NR6A1: variants seen among roughly 807,000 people sequenced by gnomAD.
NR6A1 encodes the protein nuclear receptor subfamily 6 group A member 1.
NR6A1 carries 7 observed loss-of-function variants against 59.1 expected under a neutral mutation model. The ratio of observed to expected loss-of-function variants is 0.12; its 90% CI spans 0.07 to 0.22. The LOEUF (loss-of-function observed/expected upper bound fraction) is 0.22. Among genes scored for constraint, NR6A1 ranks in the 10% least tolerant of loss-of-function variants. The pLI is 1.00. For missense variants in NR6A1, 468 were observed against 611.6 expected, an observed-to-expected ratio of 0.77 and a Z score of 2.48; for synonymous variants, 243 against 236.1, an observed-to-expected ratio of 1.03 and a Z score of -0.27.
chr9:124,726,829 T>G (rs1316969754), intron 2 of NR6A1, among the ~76,000 whole-genome samples: 1 of 152,248 alleles, frequency 6.6e-6, no homozygotes, highest in Non-Finnish European at 1.5e-5. Context: ...GTTTTGAATG[T>G]AAAATTCGTA....
chr9:124,630,031 CAT>C (rs1475107603), intron 2 of NR6A1, among the ~76,000 whole-genome samples: 2 of 152,108 alleles, frequency 1.3e-5, no homozygotes, highest in East Asian at 3.9e-4. Context: ...TTTTTTCATA[CAT>C]GTTATCAAGA....
chr9:124,554,156 C>G (rs1048419176), intron 3 of NR6A1, among the ~76,000 whole-genome samples, 172 bp downstream of exon 3: 2 of 152,158 alleles, frequency 1.3e-5, no homozygotes, highest in African/African-American at 4.8e-5. Context: ...TTTCTTCCCC[C>G]CACCTAGTTT....
chr9:124,688,844 T>C (rs957741165), intron 2 of NR6A1, among the ~76,000 whole-genome samples: 1 of 152,236 alleles, frequency 6.6e-6, no homozygotes, highest in Non-Finnish European at 1.5e-5. Flanking sequence ...AGAGAATCCA[T>C]AGCGGATTTT....
intron 1 of NR6A1, among the ~76,000 whole-genome samples, chr9:124,762,449 C>T (rs973856874): frequency 5.3e-5 from 8 of 152,134 alleles, no homozygotes; most frequent in Non-Finnish European, 1.2e-4. Context: ...TTTACCCATT[C>T]AGTATATTGT....
intron 7 of NR6A1, among the ~76,000 whole-genome samples, chr9:124,533,778 G>GCA (rs1241260473): frequency 6.6e-6 from 1 of 151,902 alleles, no homozygotes; most frequent in Non-Finnish European, 1.5e-5. Flanking sequence ...AGCCTCCCAA[G>GCA]CAGCTGGGAC....
At chr9:124,698,214 A>G (rs1398578509) in intron 2 of NR6A1, 1 of 152,240 alleles carries the variant, frequency 6.6e-6, no homozygotes, top group Non-Finnish European at 1.5e-5. Flanking sequence ...TTAATTTTAA[A>G]TCATGTCTTT....
At chr9:124,590,061 CAAAAAAAAAAAAAA>C (rs71372976) in intron 2 of NR6A1, among the ~76,000 whole-genome samples, 2,845 of 31,040 alleles carry the variant, frequency 0.092, 121 homozygotes, top group East Asian at 0.35. Flanking sequence ...AAGACTCTGT[CAAAAAAAAAAAAAA>C]AAAAAAAAAA....
In NR6A1 at chr9:124,679,878, C is replaced by T. The variant is rs540398101; in HGVS notation, c.142+53430G>A. On this transcript the variant is annotated intron_variant, in intron 2 of 9. Transcript: ENST00000487099. Reference sequence around the variant, plus strand: ...TACCACTGCACTCCAGCCTGGACAACGGAGAGAGGTTCCATCTCAAAGAGA... The same window carrying T: ...TACCACTGCACTCCAGCCTGGACAATGGAGAGAGGTTCCATCTCAAAGAGA... 3.6e-4 allele frequency among the ~76,000 whole-genome samples: 52 copies of T among 144,008 alleles called. 1 individual carries two copies. The South Asian group carries it at 8.5e-3, about 23-fold the overall frequency. 94.5% of individuals were successfully genotyped at this position (144,008 alleles called of 152,430 possible).
chr9:124,631,681 G>T (rs950324786), intron 2 of NR6A1, among the ~76,000 whole-genome samples: 2 of 146,292 alleles, frequency 1.4e-5, no homozygotes, highest in Admixed American at 1.3e-4. Context: ...TTTAAGTTCA[G>T]GGGTACCTGT....
At chr9:124,702,594 T>C (rs1470969983) in intron 2 of NR6A1, among the ~76,000 whole-genome samples, 1 of 152,054 alleles carries the variant, frequency 6.6e-6, no homozygotes, top group Non-Finnish European at 1.5e-5. Flanking sequence ...CCCTCATGAA[T>C]GGCCTGGTGC....
chr9:124,604,470 G>A (rs1024957749), intron 2 of NR6A1, among the ~76,000 whole-genome samples: 8 of 152,140 alleles, frequency 5.3e-5, no homozygotes, highest in Admixed American at 2.0e-4. Flanking sequence ...CAGCTACCCT[G>A]AAGAGGTATT....
chr9:124,680,604 A>G (rs1323108439), intron 2 of NR6A1, among the ~76,000 whole-genome samples: 1 of 152,162 alleles, frequency 6.6e-6, no homozygotes, highest in Non-Finnish European at 1.5e-5. Flanking sequence ...TACTATGGTA[A>G]AGCTCCAGGG....
intron 2 of NR6A1, among the ~76,000 whole-genome samples, chr9:124,713,276 ATAAGCCC>A (rs1839328850): frequency 6.6e-6 from 1 of 152,118 alleles, no homozygotes; most frequent in Non-Finnish European, 1.5e-5. Context: ...AGACTTAAAC[ATAAGCCC>A]TAAACTATAA....
At chr9:124,675,260 T>C (rs985325229) in intron 2 of NR6A1, among the ~76,000 whole-genome samples, 1 of 152,218 alleles carries the variant, frequency 6.6e-6, no homozygotes, top group Non-Finnish European at 1.5e-5. Context: ...GCAAACAAAA[T>C]ACTAAATTGT....
intron 2 of NR6A1, among the ~76,000 whole-genome samples, chr9:124,559,693 C>T (rs1026854546): frequency 1.3e-5 from 2 of 152,210 alleles, no homozygotes; most frequent in Admixed American, 1.3e-4. Flanking sequence ...AGGAGAATCA[C>T]TTGAACCTGG....
At chr9:124,609,688 ATAACTT>A (rs1421309846) in intron 2 of NR6A1, among the ~76,000 whole-genome samples, 2 of 152,206 alleles carry the variant, frequency 1.3e-5, no homozygotes, top group Admixed American at 6.5e-5. Context: ...GCATCTATAA[ATAACTT>A]TAGGTGGTAT....
In NR6A1 at chr9:124,536,141, C is replaced by A. The variant is rs757972494; in HGVS notation, c.825-9G>T. On this transcript the variant is annotated splice_polypyrimidine_tract_variant and intron_variant, in intron 6 of 9. Transcript: ENST00000487099. ...CCTGTGTCACAGCGTATCTGAGGGG[C>A]AGGGACAGGGGAAAGTCACTTCCAT... is the stretch of plus-strand genomic sequence containing the variant. 6.2e-7 allele frequency: 1 copy of A among 1,608,770 alleles called. No homozygotes were observed. The highest frequency in any genetic ancestry group is 8.5e-7 in the Non-Finnish European group (1 of 1,176,650).
At chr9:124,769,521 G>C (rs1018064983) in intron 1 of NR6A1, among the ~76,000 whole-genome samples, 1 of 152,192 alleles carries the variant, frequency 6.6e-6, no homozygotes, top group Admixed American at 6.5e-5. Flanking sequence ...CACCTGCCAG[G>C]TCACTGTCCT....
At chr9:124,693,839 T>TGCA (rs754520125) in intron 2 of NR6A1, 1 of 523,142 alleles carries the variant, frequency 1.9e-6, no homozygotes. Context: ...GTCGCCTGAG[T>TGCA]GCAGCAGCTA....
Sources: gnomAD v4.1 joint callset for allele counts (sites outside exome capture counted in the v4.1 genomes callset) on GRCh38, gnomAD v4.1.1 for gene constraint, MANE v1.5 for transcripts, NCBI Gene and HGNC (gene_info 2026-07-23, HGNC 2026-07-21) for gene names.